SUGCT: variants seen among roughly 807,000 people sequenced by gnomAD.
The protein encoded by SUGCT is succinyl-CoA:glutarate-CoA transferase.
A neutral mutation model predicts 55.0 loss-of-function variants in SUGCT; 41 were observed. The observed-to-expected ratio is 0.74, with a 90% confidence interval of 0.58 to 0.97. The LOEUF is 0.97. SUGCT is among the 50% of genes least tolerant of loss of function. The pLI is 0.00. For synonymous variants in SUGCT, 187 were observed against 200.4 expected, an observed-to-expected ratio of 0.93 and a Z score of 0.56; for missense variants, 568 against 547.8, an observed-to-expected ratio of 1.04 and a Z score of -0.37.
chr7:41,024,823 G>A, the SUGCT span, among the ~76,000 whole-genome samples: 4 of 152,004 alleles, frequency 2.6e-5, no homozygotes, highest in Non-Finnish European at 5.9e-5. Context: ...CTACAACCTG[G>A]GTACATATTC....
chr7:40,494,853 C>A (rs1234648256), intron 11 of SUGCT, among the ~76,000 whole-genome samples: 1 of 151,924 alleles, frequency 6.6e-6, no homozygotes, highest in Non-Finnish European at 1.5e-5. Flanking sequence ...TTTTTCATTT[C>A]TTCTCTTACA....
intron 3 of SUGCT, among the ~76,000 whole-genome samples, chr7:40,185,956 G>A (rs568354873): frequency 2.0e-3 from 307 of 152,134 alleles, no homozygotes; most frequent in African/African-American, 6.8e-3. Flanking sequence ...ATGAGAAAAA[G>A]GGATTTTCAT....
At chr7:40,240,470 C>G (rs908546657) in intron 7 of SUGCT, among the ~76,000 whole-genome samples, 1 of 150,292 alleles carries the variant, frequency 6.7e-6, no homozygotes, top group Non-Finnish European at 1.5e-5. Context: ...GTGACAAGAG[C>G]GAAACTCCAT....
chr7:40,985,056 C>T, the SUGCT span, among the ~76,000 whole-genome samples: 3 of 152,180 alleles, frequency 2.0e-5, no homozygotes, highest in Admixed American at 6.5e-5. Flanking sequence ...GCTGTCTATT[C>T]AAGTAATAAC....
intron 13 of SUGCT, among the ~76,000 whole-genome samples, chr7:40,796,130 T>C (rs1241780996): frequency 6.6e-6 from 1 of 152,056 alleles, no homozygotes; most frequent in Non-Finnish European, 1.5e-5. Flanking sequence ...GTACAACAAA[T>C]ACCTTTCAGG....
chr7:40,327,857 A>C (rs1210544610), intron 9 of SUGCT, among the ~76,000 whole-genome samples: 6 of 152,234 alleles, frequency 3.9e-5, no homozygotes, highest in Admixed American at 1.3e-4. Context: ...CTGTGTTATT[A>C]AATATCTTAC....
intron 9 of SUGCT, among the ~76,000 whole-genome samples, chr7:40,370,953 A>G (rs917413780): frequency 6.6e-6 from 1 of 152,102 alleles, no homozygotes; most frequent in African/African-American, 2.4e-5. Context: ...GTACTGTTGT[A>G]CAGGATATAT....
At chr7:40,964,459 G>A in the SUGCT span, among the ~76,000 whole-genome samples, 30 of 152,310 alleles carry the variant, frequency 2.0e-4, no homozygotes, top group South Asian at 1.0e-3. Flanking sequence ...AGGGGTTCAG[G>A]AAAGCACAGT....
chr7:40,461,553 G>T (rs1397081725), intron 11 of SUGCT, among the ~76,000 whole-genome samples: 1 of 152,138 alleles, frequency 6.6e-6, no homozygotes, highest in African/African-American at 2.4e-5. Flanking sequence ...GTAAGATGTT[G>T]GCACCTTTAG....
the SUGCT span, among the ~76,000 whole-genome samples, chr7:40,990,301 G>C: frequency 6.6e-6 from 1 of 152,134 alleles, no homozygotes; most frequent in Admixed American, 6.5e-5. Flanking sequence ...TTATTAGTTT[G>C]GTGCAAAAGT....
chr7:40,975,485 C>T, the SUGCT span, among the ~76,000 whole-genome samples: 13 of 152,122 alleles, frequency 8.5e-5, no homozygotes, highest in Non-Finnish European at 1.6e-4. Context: ...GAGCTTAAAC[C>T]AATAGTTGTA....
At chr7:40,572,907 C>T (rs1796531755) in intron 12 of SUGCT, among the ~76,000 whole-genome samples, 1 of 152,114 alleles carries the variant, frequency 6.6e-6, no homozygotes, top group Non-Finnish European at 1.5e-5. Flanking sequence ...AGGATATACA[C>T]GCGGAGGCAT....
chr7:40,909,507 G>C, the SUGCT span, among the ~76,000 whole-genome samples: 1 of 152,302 alleles, frequency 6.6e-6, no homozygotes, highest in East Asian at 1.9e-4. Flanking sequence ...AGTGAAACAT[G>C]AATACAACTG....
intron 9 of SUGCT, among the ~76,000 whole-genome samples, chr7:40,346,914 G>A (rs1275579850): frequency 6.6e-6 from 1 of 152,184 alleles, no homozygotes; most frequent in African/African-American, 2.4e-5. Context: ...GCGATTCTCG[G>A]ACTTGAACCT....
intron 7 of SUGCT, among the ~76,000 whole-genome samples, chr7:40,254,758 C>T (rs1790685473): frequency 6.6e-6 from 1 of 151,744 alleles, no homozygotes; most frequent in Admixed American, 6.6e-5. Context: ...CAGGTTTTAC[C>T]TCTGTTATAT....
At chr7:40,697,496 A>G (rs370687622) in intron 12 of SUGCT, among the ~76,000 whole-genome samples, 7 of 152,162 alleles carry the variant, frequency 4.6e-5, no homozygotes, top group African/African-American at 1.7e-4. Context: ...AAATTAGCCA[A>G]TTGTTGTGGC....
intron 12 of SUGCT, among the ~76,000 whole-genome samples, chr7:40,726,065 C>T (rs924579399): frequency 6.6e-6 from 1 of 152,074 alleles, no homozygotes; most frequent in Admixed American, 6.6e-5. Context: ...TATAAAATCT[C>T]AACACGTAAT....
intron 6 of SUGCT, among the ~76,000 whole-genome samples, chr7:40,205,656 A>G (rs1206879460): frequency 2.0e-5 from 3 of 151,814 alleles, no homozygotes; most frequent in East Asian, 1.9e-4. Context: ...AAAAAAAAAA[A>G]AAAAAAGAAA....
At chr7:40,916,854 C>G in the SUGCT span, among the ~76,000 whole-genome samples, 1 of 152,154 alleles carries the variant, frequency 6.6e-6, no homozygotes, top group East Asian at 1.9e-4. Context: ...AAGCTATTGA[C>G]AAAGCCTTAT....
Sources: gnomAD v4.1 joint callset for allele counts (sites outside exome capture counted in the v4.1 genomes callset) on GRCh38, gnomAD v4.1.1 for gene constraint, MANE v1.5 for transcripts, NCBI Gene and HGNC (gene_info 2026-07-23, HGNC 2026-07-21) for gene names.